SRPK2: variants seen among roughly 807,000 people sequenced by gnomAD.
The protein encoded by SRPK2 is SFRS protein kinase 2.
Under a neutral mutation model 90.8 loss-of-function variants are expected in SRPK2, and 21 were observed. The observed-to-expected ratio is 0.23, with a 90% CI of 0.16 to 0.33. SRPK2 has a LOEUF of 0.33. SRPK2 is among the 10% of genes least tolerant of loss of function. The pLI is 1.00. For missense variants in SRPK2, 620 were observed against 869.0 expected, an observed-to-expected ratio of 0.71 and a Z score of 3.60; for synonymous variants, 288 against 311.1, an observed-to-expected ratio of 0.93 and a Z score of 0.78.
At chr7:105,174,845 T>C (rs1385585598) in intron 3 of SRPK2, among the ~76,000 whole-genome samples, 3 of 152,026 alleles carry the variant, frequency 2.0e-5, no homozygotes, top group African/African-American at 4.8e-5. Flanking sequence ...CAAGTCTCAA[T>C]AGAAATAAGA....
intron 2 of SRPK2, among the ~76,000 whole-genome samples, chr7:105,351,250 C>T (rs537182444): frequency 1.2e-4 from 18 of 152,150 alleles, no homozygotes; most frequent in African/African-American, 3.6e-4. Flanking sequence ...TGCAGAGTCC[C>T]CACCAGCAAG....
intron 13 of SRPK2, among the ~76,000 whole-genome samples, chr7:105,130,445 G>C (rs1801834592): frequency 6.6e-6 from 1 of 152,096 alleles, no homozygotes; most frequent in African/African-American, 2.4e-5. Flanking sequence ...AGCTACACCA[G>C]AGGCTGAGGT....
At chr7:105,186,503 A>C (rs530463512) in intron 3 of SRPK2, among the ~76,000 whole-genome samples, 15 of 152,242 alleles carry the variant, frequency 9.9e-5, no homozygotes, top group African/African-American at 3.4e-4. Flanking sequence ...AGCTTCATCC[A>C]TGTTGCTGCA....
At chr7:105,162,913 G>A (rs1807898542) in intron 6 of SRPK2, among the ~76,000 whole-genome samples, 1 of 152,192 alleles carries the variant, frequency 6.6e-6, no homozygotes, top group African/African-American at 2.4e-5. Flanking sequence ...TCTATTAGCT[G>A]TCCCAAGAAG....
At chr7:105,224,963 T>C (rs1798537083) in intron 2 of SRPK2, among the ~76,000 whole-genome samples, 1 of 152,140 alleles carries the variant, frequency 6.6e-6, no homozygotes, top group Non-Finnish European at 1.5e-5. Flanking sequence ...ATCGAAAACT[T>C]CCCTTTCCTT....
At position 105,226,367 on chromosome 7, in the gene SRPK2, A is replaced by G. The variant is rs75088391; in HGVS notation, c.72-22582T>C. On this transcript the variant is annotated intron_variant, in intron 2 of 15. Coordinates refer to ENST00000393651, the MANE Select transcript of SRPK2 (RefSeq NM_182692.3). ...TGCAGTGGCACAAATTCAGCTCACCAAAACCTCCACCTCCAGGGTTCAAGT... is the reference window on the plus strand; with the variant it reads ...TGCAGTGGCACAAATTCAGCTCACCGAAACCTCCACCTCCAGGGTTCAAGT... 2.8e-3 allele frequency among the ~76,000 whole-genome samples: 432 copies of G among 152,182 alleles called. 11 individuals carry two copies. In the East Asian group the frequency reaches 0.055, roughly 19 times the overall value.
At chr7:105,274,230 A>C (rs1184544350) in intron 2 of SRPK2, among the ~76,000 whole-genome samples, 1 of 151,572 alleles carries the variant, frequency 6.6e-6, no homozygotes, top group Non-Finnish European at 1.5e-5. Flanking sequence ...TCAAGCCTCC[A>C]AAAAAAAATT....
intron 2 of SRPK2, among the ~76,000 whole-genome samples, chr7:105,290,461 G>A (rs909048748): frequency 6.6e-6 from 1 of 152,126 alleles, no homozygotes; most frequent in Non-Finnish European, 1.5e-5. Context: ...CTGCGCCACT[G>A]CACTCAGGTG....
chr7:105,376,371 T>C (rs1268316407), intron 2 of SRPK2, among the ~76,000 whole-genome samples: 6 of 149,938 alleles, frequency 4.0e-5, no homozygotes, highest in Non-Finnish European at 7.4e-5. Flanking sequence ...GAGCAAAGAG[T>C]TGTAGTCCGT....
At chr7:105,355,540 G>C (rs896045638) in intron 2 of SRPK2, among the ~76,000 whole-genome samples, 1 of 151,964 alleles carries the variant, frequency 6.6e-6, no homozygotes, top group African/African-American at 2.4e-5. Context: ...TGTGGTCCCA[G>C]CTACTCAGAA....
At chr7:105,289,449 T>C (rs1261014751) in intron 2 of SRPK2, among the ~76,000 whole-genome samples, 1 of 152,106 alleles carries the variant, frequency 6.6e-6, no homozygotes. Context: ...GGTTTCCCAG[T>C]GCATATACAA....
At chr7:105,333,524 T>A (rs926364520) in intron 2 of SRPK2, among the ~76,000 whole-genome samples, 1 of 152,176 alleles carries the variant, frequency 6.6e-6, no homozygotes, top group African/African-American at 2.4e-5. Flanking sequence ...TATTTTAACA[T>A]TTATCCCTCA....
At chr7:105,145,390 A>G in intron 8 of SRPK2, 82 bp from the exon 9 acceptor site, 1 of 1,016,892 alleles carries the variant, frequency 9.8e-7, no homozygotes, top group Non-Finnish European at 1.4e-6. Flanking sequence ...TGCAAAGTGA[A>G]ATAATTATTG....
At chr7:105,235,324 T>C (rs1278130460) in intron 2 of SRPK2, among the ~76,000 whole-genome samples, 2 of 152,252 alleles carry the variant, frequency 1.3e-5, no homozygotes, top group Non-Finnish European at 1.5e-5. Flanking sequence ...GTATTTCCCA[T>C]TGTCACAAAG....
At chr7:105,316,347 C>T (rs902067018) in intron 2 of SRPK2, among the ~76,000 whole-genome samples, 1 of 152,138 alleles carries the variant, frequency 6.6e-6, no homozygotes, top group African/African-American at 2.4e-5. Flanking sequence ...TAGGAAATAG[C>T]ATTAACTTCG....
chr7:105,392,898 C>T (rs577503529), upstream of SRPK2, among the ~76,000 whole-genome samples: 4 of 151,822 alleles, frequency 2.6e-5, no homozygotes, highest in Non-Finnish European at 4.4e-5. Flanking sequence ...TTGCAACCTC[C>T]GCCTCCCAGG....
chr7:105,173,671 G>A (rs1791442266), intron 3 of SRPK2, among the ~76,000 whole-genome samples: 3 of 152,152 alleles, frequency 2.0e-5, no homozygotes, highest in Non-Finnish European at 4.4e-5. Flanking sequence ...CAGCACACAA[G>A]AAAACAAGTA....
intron 2 of SRPK2, among the ~76,000 whole-genome samples, chr7:105,233,889 A>T (rs1408995880): frequency 6.6e-6 from 1 of 151,958 alleles, no homozygotes; most frequent in Non-Finnish European, 1.5e-5. Flanking sequence ...TAAAATAAGT[A>T]AAAAATCATA....
At chr7:105,306,121 G>A (rs1343626445) in intron 2 of SRPK2, 2 of 166,244 alleles carry the variant, frequency 1.2e-5, no homozygotes, top group East Asian at 3.5e-4. Flanking sequence ...CAAAAATGAG[G>A]TACCAAAAGA....
Sources: allele counts gnomAD v4.1 joint callset (sites outside exome capture counted in the v4.1 genomes callset), GRCh38; gene constraint gnomAD v4.1.1; transcripts MANE v1.5; gene names NCBI Gene and HGNC (gene_info 2026-07-23, HGNC 2026-07-21).